Variants in ROR1 observed in about 807,000 individuals in gnomAD.
ROR1 encodes ROR family WNT receptor 1, also known as inactive tyrosine-protein kinase transmembrane receptor ROR1.
A neutral mutation model predicts 78.8 loss-of-function variants in ROR1; 19 were observed. The observed-to-expected ratio is 0.24, with a 90% CI of 0.17 to 0.35. The LOEUF is 0.35. Among genes scored for constraint, ROR1 ranks in the 10% least tolerant of loss-of-function variants. The probability of loss-of-function intolerance (pLI) is 1.00; values close to 1 mark genes in which losing one functional copy is unlikely to be tolerated. For synonymous variants in ROR1, 386 were observed against 433.6 expected (o/e 0.89, Z 1.36); for missense variants, 917 against 1,177.8 (o/e 0.78, Z 3.24).
At chr1:63,943,093 TAAAAAAAA>T (rs56230309) in intron 1 of ROR1, among the ~76,000 whole-genome samples, 1 of 115,028 alleles carries the variant, frequency 8.7e-6, no homozygotes, top group African/African-American at 3.5e-5. Flanking sequence ...ACCCTGTCTT[TAAAAAAAA>T]AAAAAAAAAA....
At chr1:63,951,936 G>GTTC (rs1645943448) in intron 1 of ROR1, among the ~76,000 whole-genome samples, 1 of 152,068 alleles carries the variant, frequency 6.6e-6, no homozygotes, top group African/African-American at 2.4e-5. Flanking sequence ...TCATTCATTG[G>GTTC]TTCATTTATT....
chr1:64,137,860 C>T (rs1649168769), intron 5 of ROR1, among the ~76,000 whole-genome samples: 1 of 152,176 alleles, frequency 6.6e-6, no homozygotes, highest in Admixed American at 6.5e-5. Flanking sequence ...AACATGATGT[C>T]GACTGAGAGG....
chr1:63,967,163 T>C (rs1366068757), intron 1 of ROR1, among the ~76,000 whole-genome samples: 1 of 151,824 alleles, frequency 6.6e-6, no homozygotes, highest in Non-Finnish European at 1.5e-5. Context: ...CAATAAATGC[T>C]AGCAATTGTG....
chr1:64,150,573 A>C (rs750446528), intron 7 of ROR1, among the ~76,000 whole-genome samples: 1 of 152,236 alleles, frequency 6.6e-6, no homozygotes. Flanking sequence ...GTTGTAAGGC[A>C]ATTTGTCTTT....
chr1:64,142,552 A>G lies in ROR1; in HGVS notation c.1076A>G (p.His359Arg), dbSNP rs1649352639. Residue 359 changes from histidine to arginine, a missense_variant, in exon 7 of 9, where the codon CAT becomes CGT. Coordinates refer to ENST00000371079, the MANE Select transcript of ROR1 (RefSeq NM_005012.4). ...CGTTTCCCAGAGCTGAATGGAGGCC[A>G]TTCCTACTGCCGCAACCCAGGGAAT... ...ALRFPELNGG[H>R]SYCRNPGNQK... The G allele has an allele frequency of 1.2e-6, 2 of 1,614,144 alleles. No individual in the cohort carries two copies. Among genetic ancestry groups the G allele is most frequent in the Non-Finnish European group, 1.7e-6 (2 of 1,180,024 alleles).
At chr1:64,099,926 G>A (rs1830814) in intron 4 of ROR1, among the ~76,000 whole-genome samples, 58,423 of 151,558 alleles carry the variant, frequency 0.39, 12,585 homozygotes, top group Non-Finnish European at 0.5. Context: ...GTGGTGGCGC[G>A]TGCCTGTAGT....
At chr1:63,989,289 G>A (rs1410980068) in intron 1 of ROR1, among the ~76,000 whole-genome samples, 1 of 151,670 alleles carries the variant, frequency 6.6e-6, no homozygotes, top group Admixed American at 6.6e-5. Context: ...CTGAGCCTGA[G>A]GGGTTTTTTT....
At chr1:63,803,648 A>G (rs2100258623) in intron 1 of ROR1, among the ~76,000 whole-genome samples, 1 of 152,326 alleles carries the variant, frequency 6.6e-6, no homozygotes, top group Admixed American at 6.5e-5. Flanking sequence ...CCGGCCCAAA[A>G]ATATTTTTAA....
At chr1:64,170,406 G>A (rs778792072) in intron 8 of ROR1, among the ~76,000 whole-genome samples, 23 of 152,264 alleles carry the variant, frequency 1.5e-4, no homozygotes, top group Middle Eastern at 3.4e-3. Context: ...AGTCATAGCT[G>A]GAGTGGCTGG....
chr1:63,963,286 G>A (rs939444313), intron 1 of ROR1, among the ~76,000 whole-genome samples: 2 of 151,832 alleles, frequency 1.3e-5, no homozygotes, highest in African/African-American at 4.8e-5. Context: ...AATAATTCTG[G>A]GCTGGGCGCA....
chr1:64,062,651 G>T (rs894478068), intron 4 of ROR1, among the ~76,000 whole-genome samples: 2 of 152,128 alleles, frequency 1.3e-5, no homozygotes, highest in African/African-American at 4.8e-5. Context: ...TTGCCTGACT[G>T]GTAGGCCCAG....
intron 4 of ROR1, among the ~76,000 whole-genome samples, chr1:64,104,604 C>T (rs1267796229): frequency 6.6e-6 from 1 of 151,946 alleles, no homozygotes; most frequent in Non-Finnish European, 1.5e-5. Flanking sequence ...CTCTAAGTTC[C>T]CTCCCCTCAC....
intron 8 of ROR1, among the ~76,000 whole-genome samples, chr1:64,173,315 A>G (rs1476030158): frequency 6.6e-6 from 1 of 152,224 alleles, no homozygotes; most frequent in Admixed American, 6.5e-5. Flanking sequence ...TATATGCTAT[A>G]TGGCCCACTG....
intron 1 of ROR1, among the ~76,000 whole-genome samples, chr1:63,852,422 T>C (rs923917272): frequency 6.6e-6 from 1 of 152,244 alleles, no homozygotes; most frequent in Non-Finnish European, 1.5e-5. Context: ...CACAACAGCC[T>C]TTCTGATCTT....
intron 7 of ROR1, among the ~76,000 whole-genome samples, chr1:64,152,775 C>A (rs1400797816): frequency 2.6e-5 from 4 of 152,048 alleles, no homozygotes; most frequent in African/African-American, 7.2e-5. Context: ...AGATTCTGGC[C>A]ATTTCAAGTT....
chr1:64,082,597 C>A (rs1174324686), intron 4 of ROR1, among the ~76,000 whole-genome samples: 1 of 152,214 alleles, frequency 6.6e-6, no homozygotes, highest in African/African-American at 2.4e-5. Context: ...TCGGCCATAC[C>A]ATGCAAGCTG....
chr1:64,115,072 C>T (rs949830859), intron 4 of ROR1, among the ~76,000 whole-genome samples: 3 of 152,126 alleles, frequency 2.0e-5, no homozygotes, highest in Non-Finnish European at 4.4e-5. Context: ...TCAAGCAATC[C>T]CCCTACCTCA....
intron 4 of ROR1, among the ~76,000 whole-genome samples, chr1:64,061,068 T>G (rs1413992531): frequency 6.6e-6 from 1 of 152,036 alleles, no homozygotes; most frequent in African/African-American, 2.4e-5. Context: ...TTTCTCAGTC[T>G]ATCTGTTTCT....
At chr1:64,042,526 C>T (rs539705251) in intron 2 of ROR1, among the ~76,000 whole-genome samples, 14 of 152,242 alleles carry the variant, frequency 9.2e-5, no homozygotes, top group African/African-American at 2.9e-4. Context: ...GTGAGATGTC[C>T]GGTGAGAACT....
Sources: allele counts gnomAD v4.1 joint callset (sites outside exome capture counted in the v4.1 genomes callset), GRCh38; gene constraint gnomAD v4.1.1; transcripts MANE v1.5; gene names NCBI Gene and HGNC (gene_info 2026-07-23, HGNC 2026-07-21).